MYO6: variants seen among roughly 807,000 people sequenced by gnomAD.
The protein encoded by MYO6 is myosin VI, also known as unconventional myosin-VI.
A neutral mutation model predicts 178.7 loss-of-function variants in MYO6; 74 were observed. The observed-to-expected ratio is 0.41, with a 90% confidence interval of 0.34 to 0.50. The LOEUF (loss-of-function observed/expected upper bound fraction) is 0.50, where lower values mean the gene tolerates loss of function less well. Ranked by LOEUF, MYO6 falls within the 20% of genes least tolerant of loss-of-function variation. The probability of loss-of-function intolerance (pLI) is 0.09; values close to 1 mark genes in which losing one functional copy is unlikely to be tolerated. For synonymous variants in MYO6, 477 were observed against 504.6 expected, an observed-to-expected ratio of 0.95 and a Z score of 0.73; for missense variants, 1,330 against 1,547.4, an observed-to-expected ratio of 0.86 and a Z score of 2.36.
chr6:75,849,293 A>G (rs1414257101), intron 11 of MYO6, among the ~76,000 whole-genome samples: 1 of 152,198 alleles, frequency 6.6e-6, no homozygotes, highest in Non-Finnish European at 1.5e-5. Flanking sequence ...TAAAATATTT[A>G]CTATCTGGCC....
chr6:75,832,785 A>G (rs886289512), intron 5 of MYO6, 57 bp from the exon 6 acceptor site: 21 of 1,057,254 alleles, frequency 2.0e-5, no homozygotes, highest in Admixed American at 6.9e-5. Context: ...TGAACTTTCT[A>G]TTATTAACTT....
intron 30 of MYO6, among the ~76,000 whole-genome samples, chr6:75,902,795 C>G (rs1384888030): frequency 2.7e-5 from 4 of 150,776 alleles, no homozygotes; most frequent in Non-Finnish European, 5.9e-5. Context: ...TCTTGCTTTT[C>G]TAGTTCTTTT....
intron 1 of MYO6, among the ~76,000 whole-genome samples, chr6:75,753,455 G>GTATATATATATATATATATA (rs58108910): frequency 7.1e-6 from 1 of 140,040 alleles, no homozygotes; most frequent in African/African-American, 2.7e-5. Flanking sequence ...GTGTGTGTGT[G>GTATATATATATATATATATA]TATATATATA....
At chr6:75,836,011 CT>C in intron 7 of MYO6, 55 bp downstream of exon 7, 1 of 1,177,888 alleles carries the variant, frequency 8.5e-7, no homozygotes, top group Non-Finnish European at 1.3e-6. Context: ...TACAAGACTT[CT>C]TTTAGTGGTC....
In MYO6 at chr6:75,863,568, C is replaced by G. The variant is rs550196420; in HGVS notation, c.1674+845C>G. On this transcript the variant is annotated intron_variant, in intron 16 of 34. Coordinates refer to ENST00000369977, the MANE Select transcript of MYO6 (RefSeq NM_004999.4). ...TGGTGCGATCTCGGCTCACTGCAAC[C>G]TCCGCATCTTGGTTTCAAGTGATTC... Among the ~76,000 whole-genome samples, 6 of 152,062 alleles carry G rather than the reference C, an allele frequency of 3.9e-5. No individual in the cohort carries two copies. The East Asian group carries it at 7.7e-4, about 20-fold the overall frequency.
At chr6:75,834,109 C>A (rs1034527829) in intron 6 of MYO6, among the ~76,000 whole-genome samples, 2 of 152,140 alleles carry the variant, frequency 1.3e-5, no homozygotes, top group Admixed American at 1.3e-4. Flanking sequence ...CTTAAGCTTA[C>A]GATAATTTGC....
chr6:75,891,207 G>A, intron 26 of MYO6, 21 bp from the exon 27 acceptor site: 4 of 1,515,866 alleles, frequency 2.6e-6, no homozygotes, highest in Non-Finnish European at 3.6e-6. Context: ...AATTTTTGAA[G>A]AGTTTTCTAT....
intron 1 of MYO6, among the ~76,000 whole-genome samples, chr6:75,789,306 G>A (rs9443190): frequency 0.02 from 3,109 of 152,158 alleles, 105 homozygotes; most frequent in African/African-American, 0.071. Flanking sequence ...AATTTTAAAC[G>A]TGTTAATGTG....
intron 23 of MYO6, among the ~76,000 whole-genome samples, chr6:75,884,036 C>T (rs1778240230): frequency 6.6e-6 from 1 of 152,160 alleles, no homozygotes. Flanking sequence ...ATCTTTATTA[C>T]TGTAGTTTAA....
chr6:75,753,079 A>G (rs1286677092), intron 1 of MYO6, among the ~76,000 whole-genome samples: 1 of 152,184 alleles, frequency 6.6e-6, no homozygotes. Context: ...TTGAGCCGCA[A>G]TAGACATAAA....
intron 19 of MYO6, among the ~76,000 whole-genome samples, 162 bp downstream of exon 19, chr6:75,870,847 A>G (rs1185036727): frequency 1.3e-5 from 2 of 152,118 alleles, no homozygotes; most frequent in Admixed American, 6.5e-5. Flanking sequence ...AAGGTCAAAT[A>G]TATATGTGAA....
chr6:75,825,204 A>C lies in MYO6; in HGVS notation c.187+2353A>C, dbSNP rs554994389. Among the ~76,000 whole-genome samples the C allele has an allele frequency of 2.0e-5, 3 of 152,330 alleles. No individual in the cohort carries two copies. The East Asian group carries it at 5.8e-4, about 29-fold the overall frequency. ...AAAAGGAAAATAATAGCATTTTTCC[A>C]TGCTGATTTTGAGCTACCATGACTT... On this transcript the variant is annotated intron_variant, in intron 3 of 34. Transcript: ENST00000369977.
intron 1 of MYO6, among the ~76,000 whole-genome samples, chr6:75,797,525 AT>A (rs111904017): frequency 0.057 from 8,517 of 150,702 alleles, 523 homozygotes; most frequent in African/African-American, 0.15. Context: ...TGTTATATGT[AT>A]TTTTTTTTAG....
rs745475645 is a variant in MYO6 at position 75,870,612 on chromosome 6, T to C, written c.1945-35T>C. 3.1e-6 allele frequency: 5 copies of C among 1,589,654 alleles called. No homozygotes were observed. The South Asian group carries it at 5.6e-5, about 18-fold the overall frequency. On this transcript the variant is annotated intron_variant, in intron 18 of 34. Transcript: ENST00000369977. ...CTCATGACACTGTGTACTTTGGCTT[T>C]TTGAAATAATAAACTGATTTCCTTT... is the stretch of plus-strand genomic sequence containing the variant.
rs771645784 is a variant in MYO6, at chr6:75,771,157, G to A, written c.-48+21734G>A. Among the ~76,000 whole-genome samples the A allele has an allele frequency of 3.3e-5, 5 of 151,656 alleles. 1 individual carries two copies. The South Asian group carries it at 6.3e-4, about 19-fold the overall frequency. ...GCTGGGACTAGAGGCTCATGCCACC[G>A]CGCCTGGCTAATTTTTGTATTTTTT... On this transcript the variant is annotated intron_variant, in intron 1 of 34. Coordinates refer to ENST00000369977, the MANE Select transcript of MYO6 (RefSeq NM_004999.4).
chr6:75,841,341 G>C lies in MYO6; in HGVS notation c.779G>C (p.Arg260Thr), dbSNP rs1278814459. 6.2e-7 allele frequency: 1 copy of C among 1,613,854 alleles called. No homozygotes were observed. The highest frequency in any genetic ancestry group is 8.5e-7 in the Non-Finnish European group (1 of 1,179,978). ...TGTGCTGGTGCTTCTGAAGATATTA[G>C]AGAAAAACTTCATTTGAGTTCACCA... ...RLCAGASEDI[R>T]EKLHLSSPDN... Residue 260 changes from arginine to threonine, a missense_variant, in exon 9 of 35, where the codon AGA (arginine) becomes ACA (threonine). By Grantham distance (71) the Arg-to-Thr change is moderately conservative. Around this residue, in one of 3 missense-constraint regions of MYO6, gnomAD observed 613 missense variants for 816.8 expected, o/e 0.75. Transcript: ENST00000369977.
At chr6:75,757,164 GTATATACACACA>G (rs1056235462) in intron 1 of MYO6, among the ~76,000 whole-genome samples, 6 of 145,978 alleles carry the variant, frequency 4.1e-5, no homozygotes, top group Non-Finnish European at 7.5e-5. Flanking sequence ...GTGTGTGTAT[GTATATACACACA>G]TATATACACA....
intron 33 of MYO6, among the ~76,000 whole-genome samples, chr6:75,912,407 T>G (rs572304150): frequency 2.0e-5 from 3 of 152,130 alleles, no homozygotes; most frequent in South Asian, 2.1e-4. Flanking sequence ...GGAAAGTTAT[T>G]TAGAATATTA....
chr6:75,879,752 T>A (rs1371508227), intron 20 of MYO6, 68 bp from the exon 21 acceptor site: 119 of 1,610,974 alleles, frequency 7.4e-5, no homozygotes, highest in Non-Finnish European at 9.8e-5. Context: ...ACAAAAATGA[T>A]CATTCACAAA....
Sources: allele counts gnomAD v4.1 joint callset (sites outside exome capture counted in the v4.1 genomes callset), GRCh38; gene constraint gnomAD v4.1.1; regional missense constraint gnomAD v4.1.1; transcripts MANE v1.5; gene names NCBI Gene and HGNC (gene_info 2026-07-23, HGNC 2026-07-21).